The following MACROD2 variants were observed in gnomAD, a reference collection of about 807,000 sequenced individuals.
MACROD2 encodes ADP-ribose glycohydrolase MACROD2.
A neutral mutation model predicts 70.4 loss-of-function variants in MACROD2; 36 were observed. The observed-to-expected ratio is 0.51, with a 90% CI of 0.39 to 0.68. The LOEUF (loss-of-function observed/expected upper bound fraction) is 0.68, where lower values mean the gene tolerates loss of function less well. MACROD2 is among the 30% of genes least tolerant of loss of function. The pLI, the probability that MACROD2 is intolerant of heterozygous loss-of-function variation, is 0.00. For synonymous variants in MACROD2, 172 were observed against 178.8 expected, an observed-to-expected ratio of 0.96 and a Z score of 0.30; for missense variants, 496 against 538.4, an observed-to-expected ratio of 0.92 and a Z score of 0.78.
intron 8 of MACROD2, among the ~76,000 whole-genome samples, chr20:15,659,107 A>G (rs2049778194): frequency 6.6e-6 from 1 of 152,158 alleles, no homozygotes; most frequent in African/African-American, 2.4e-5. Flanking sequence ...TTCATTGGAT[A>G]CCAATACCAT....
chr20:15,105,923 C>A (rs941769183), intron 5 of MACROD2, among the ~76,000 whole-genome samples: 1 of 152,098 alleles, frequency 6.6e-6, no homozygotes. Flanking sequence ...GGGTTCTGTA[C>A]ATTTCAGTAT....
At chr20:14,234,693 T>G (rs763444056) in intron 3 of MACROD2, among the ~76,000 whole-genome samples, 1 of 152,076 alleles carries the variant, frequency 6.6e-6, no homozygotes, top group African/African-American at 2.4e-5. Flanking sequence ...CCACCTCATA[T>G]CTCTGTACAT....
At chr20:15,874,250 CT>C (rs751258380) in intron 9 of MACROD2, among the ~76,000 whole-genome samples, 1 of 151,820 alleles carries the variant, frequency 6.6e-6, no homozygotes, top group African/African-American at 2.4e-5. Flanking sequence ...TGAACTCATC[CT>C]TTTTTTGGCT....
At chr20:15,631,170 C>T (rs931467573) in intron 8 of MACROD2, among the ~76,000 whole-genome samples, 13 of 152,136 alleles carry the variant, frequency 8.5e-5, no homozygotes, top group Non-Finnish European at 1.5e-4. Flanking sequence ...CATCCACATG[C>T]GGGAGGGAAG....
At chr20:15,060,941 A>G (rs544919427) in intron 5 of MACROD2, among the ~76,000 whole-genome samples, 2 of 152,210 alleles carry the variant, frequency 1.3e-5, no homozygotes, top group Non-Finnish European at 2.9e-5. Context: ...CCTCATTACA[A>G]TGCCGTGATT....
At chr20:14,866,519 A>C (rs2073429620) in intron 5 of MACROD2, among the ~76,000 whole-genome samples, 1 of 152,124 alleles carries the variant, frequency 6.6e-6, no homozygotes, top group Non-Finnish European at 1.5e-5. Context: ...CTGGGTGAGT[A>C]GGTCTTCTTG....
chr20:14,644,608 C>T (rs573805087), intron 4 of MACROD2, among the ~76,000 whole-genome samples: 1 of 152,024 alleles, frequency 6.6e-6, no homozygotes, highest in Non-Finnish European at 1.5e-5. Flanking sequence ...AGCCAAGGCT[C>T]CATTTTACTT....
rs376439581 is a variant in MACROD2, at chr20:15,215,252, TTGTGTGTGTGTGTG to T, written c.419-14656_419-14643del. On this transcript the variant is annotated intron_variant, in intron 5 of 17. Transcript: ENST00000684519. ...TTTTTTCTCCTTTTTCTCCTGTATT[TTGTGTGTGTGTGTG>T]TGTGTGTGTGTGTGTGTGTGTGTGT... Among the ~76,000 whole-genome samples the T allele has an allele frequency of 5.3e-3, 723 of 135,548 alleles. 2 individuals are homozygous for T. The highest frequency in any genetic ancestry group is 8.2e-3 in the South Asian group (33 of 4,046). 88.9% of individuals were successfully genotyped at this position (135,548 alleles called of 152,430 possible).
At chr20:15,143,747 T>C (rs1486080495) in intron 5 of MACROD2, among the ~76,000 whole-genome samples, 1 of 129,316 alleles carries the variant, frequency 7.7e-6, no homozygotes, top group Non-Finnish European at 1.7e-5. Context: ...TTTCTAATTA[T>C]TTATATCTGT....
intron 5 of MACROD2, among the ~76,000 whole-genome samples, chr20:14,942,233 A>C (rs1409902068): frequency 6.6e-6 from 1 of 152,102 alleles, no homozygotes; most frequent in African/African-American, 2.4e-5. Flanking sequence ...TATGTTCCTC[A>C]TATATATTAA....
At chr20:15,779,595 T>A (rs896041116) in intron 8 of MACROD2, among the ~76,000 whole-genome samples, 1 of 152,104 alleles carries the variant, frequency 6.6e-6, no homozygotes, top group African/African-American at 2.4e-5. Context: ...AAAAAACCAA[T>A]GATAATCTCC....
intron 5 of MACROD2, among the ~76,000 whole-genome samples, chr20:15,228,592 C>T (rs1347896110): frequency 2.7e-5 from 4 of 146,888 alleles, no homozygotes; most frequent in African/African-American, 5.1e-5. Flanking sequence ...CTGGTTCAAG[C>T]GATTCTCCTG....
At chr20:15,670,028 C>A (rs2049957876) in intron 8 of MACROD2, among the ~76,000 whole-genome samples, 1 of 152,210 alleles carries the variant, frequency 6.6e-6, no homozygotes, top group Non-Finnish European at 1.5e-5. Context: ...ACTGAGGCAA[C>A]TTACCTATGG....
intron 2 of MACROD2, among the ~76,000 whole-genome samples, chr20:14,083,520 A>T (rs955678312): frequency 4.6e-5 from 7 of 152,274 alleles, no homozygotes; most frequent in South Asian, 4.1e-4. Flanking sequence ...AAACTGATGC[A>T]TGGAGAGAAT....
intron 5 of MACROD2, among the ~76,000 whole-genome samples, chr20:14,953,600 C>T (rs1221378585): frequency 1.3e-5 from 2 of 152,100 alleles, no homozygotes; most frequent in Non-Finnish European, 2.9e-5. Flanking sequence ...CCACCGTGCC[C>T]GGCCTCATTG....
intron 12 of MACROD2, among the ~76,000 whole-genome samples, chr20:15,955,045 G>A (rs1382537275): frequency 2.6e-5 from 4 of 152,156 alleles, no homozygotes; most frequent in Non-Finnish European, 5.9e-5. Flanking sequence ...ATACTAAGGA[G>A]CTTAGGGTTG....
At chr20:15,636,196 A>G (rs2049366554) in intron 8 of MACROD2, among the ~76,000 whole-genome samples, 2 of 152,000 alleles carry the variant, frequency 1.3e-5, no homozygotes, top group African/African-American at 4.8e-5. Context: ...GGTTTTCTAA[A>G]TTTCTATTCA....
chr20:15,144,112 A>G (rs1419467439), intron 5 of MACROD2, among the ~76,000 whole-genome samples: 1 of 152,124 alleles, frequency 6.6e-6, no homozygotes, highest in Admixed American at 6.6e-5. Flanking sequence ...TAATATAAAT[A>G]CTACAATTCA....
intron 3 of MACROD2, among the ~76,000 whole-genome samples, chr20:14,304,716 G>T (rs1285375085): frequency 2.0e-5 from 3 of 151,444 alleles, no homozygotes; most frequent in Non-Finnish European, 2.9e-5. Context: ...ACCTCAGGCT[G>T]CTGAGAACTG....
Sources: allele counts gnomAD v4.1 joint callset (sites outside exome capture counted in the v4.1 genomes callset), GRCh38; gene constraint gnomAD v4.1.1; transcripts MANE v1.5; gene names NCBI Gene and HGNC (gene_info 2026-07-23, HGNC 2026-07-21).